NVL: variants seen among roughly 807,000 people sequenced by gnomAD.
NVL encodes nuclear valosin-containing protein-like.
NVL carries 84 observed loss-of-function variants against 110.2 expected under a neutral mutation model. That is an observed-to-expected ratio of 0.76 (90% CI 0.64 to 0.91). NVL has a LOEUF of 0.91. Ranked by LOEUF, NVL falls within the 40% of genes least tolerant of loss-of-function variation. NVL has a pLI of 0.00. For synonymous variants in NVL, 354 were observed against 361.1 expected, an observed-to-expected ratio of 0.98 and a Z score of 0.22; for missense variants, 882 against 1,035.9, an observed-to-expected ratio of 0.85 and a Z score of 2.04.
At chr1:224,308,387 T>A in intron 5 of NVL, 124 bp from the exon 6 acceptor site, 1 of 848,848 alleles carries the variant, frequency 1.2e-6, no homozygotes, top group Non-Finnish European at 1.8e-6. Flanking sequence ...AGAACATTTA[T>A]AATCAGAATA....
intron 19 of NVL, among the ~76,000 whole-genome samples, chr1:224,246,033 C>CT (rs36056911): frequency 0.042 from 6,124 of 145,874 alleles, 152 homozygotes; most frequent in Middle Eastern, 0.06. Context: ...TGCCAGATGA[C>CT]TTTTTTTTTT....
At chr1:224,328,070 C>T (rs1292142359) in intron 1 of NVL, among the ~76,000 whole-genome samples, 1 of 151,958 alleles carries the variant, frequency 6.6e-6, no homozygotes, top group Admixed American at 6.6e-5. Flanking sequence ...TCTGATTTCC[C>T]CCCCCTTTTT....
intron 8 of NVL, 36 bp downstream of exon 8, chr1:224,304,700 T>C (rs375616678): frequency 3.7e-5 from 55 of 1,491,096 alleles, no homozygotes; most frequent in Non-Finnish European, 4.7e-5. Flanking sequence ...ATTAGTAATA[T>C]ATCCATTTGA....
intron 17 of NVL, among the ~76,000 whole-genome samples, chr1:224,269,112 G>C (rs1257703272): frequency 6.8e-6 from 1 of 147,926 alleles, no homozygotes; most frequent in African/African-American, 2.5e-5. Context: ...TTTTGAGACA[G>C]GGTTTTACTC....
chr1:224,292,986 C>T (rs1035599969), intron 12 of NVL, among the ~76,000 whole-genome samples: 1 of 151,964 alleles, frequency 6.6e-6, no homozygotes, highest in Non-Finnish European at 1.5e-5. Flanking sequence ...AACTCCTAAC[C>T]TCAAGTGATG....
At chr1:224,236,689 T>C in intron 19 of NVL, 107 bp from the exon 20 acceptor site, 1 of 800,382 alleles carries the variant, frequency 1.2e-6, no homozygotes. Flanking sequence ...GGTGGGCAGA[T>C]CACCTGAGGT....
chr1:224,231,435 C>A, intron 21 of NVL, 139 bp from the exon 22 acceptor site: 1 of 643,314 alleles, frequency 1.6e-6, no homozygotes, highest in Admixed American at 2.7e-5. Context: ...TGTTCTTTTT[C>A]AGAACAGTAT....
intron 1 of NVL, among the ~76,000 whole-genome samples, chr1:224,326,937 T>A (rs1360400440): frequency 1.3e-5 from 2 of 151,898 alleles, no homozygotes; most frequent in African/African-American, 2.4e-5. Flanking sequence ...AGCCCAGGAG[T>A]TTGAGACCAC....
At chr1:224,274,935 G>C (rs535742445) in intron 17 of NVL, among the ~76,000 whole-genome samples, 1 of 152,070 alleles carries the variant, frequency 6.6e-6, no homozygotes, top group East Asian at 1.9e-4. Context: ...AAAGGTTTTG[G>C]GTCTTAAAAG....
At chr1:224,317,566 G>A (rs1156506409) in intron 4 of NVL, 128 bp downstream of exon 4, 1 of 624,360 alleles carries the variant, frequency 1.6e-6, no homozygotes, top group East Asian at 2.7e-5. Context: ...ATTCAATATG[G>A]CTGAAGAGGT....
intron 6 of NVL, chr1:224,305,419 T>C (rs994810133): frequency 4.4e-5 from 15 of 342,312 alleles, no homozygotes; most frequent in Admixed American, 3.6e-4. Flanking sequence ...ATTGGAATGA[T>C]ACAAAGATTA....
At chr1:224,320,634 G>A (rs150648275) in intron 2 of NVL, among the ~76,000 whole-genome samples, 3 of 150,606 alleles carry the variant, frequency 2.0e-5, no homozygotes, top group African/African-American at 7.4e-5. Context: ...GTGACTGAGT[G>A]AGACTCCATC....
rs1668956755 is a variant in NVL, at chr1:224,306,712, G to A, written c.615+1279C>T. On this transcript the variant is annotated intron_variant, in intron 6 of 22. Transcript: ENST00000281701. ...CCAGGTGTGGTGGTGGGCACCTGTA[G>A]TCCCCAGCTACTTGGAAGACTGAGG... is the stretch of plus-strand genomic sequence containing the variant. Among the ~76,000 whole-genome samples, 2 of 152,108 alleles carry A rather than the reference G, an allele frequency of 1.3e-5. 1 individual carries two copies. The highest frequency in any genetic ancestry group is 1.3e-4 in the Admixed American group (2 of 15,270).
At chr1:224,252,331 A>T (rs1027609094) in intron 18 of NVL, among the ~76,000 whole-genome samples, 1 of 152,098 alleles carries the variant, frequency 6.6e-6, no homozygotes, top group Non-Finnish European at 1.5e-5. Context: ...CCTGAAGCTC[A>T]TTTTGACCAT....
At chr1:224,322,486 A>C (rs532941944) in intron 2 of NVL, among the ~76,000 whole-genome samples, 1 of 152,130 alleles carries the variant, frequency 6.6e-6, no homozygotes, top group Non-Finnish European at 1.5e-5. Context: ...TTTCTGTCTT[A>C]GTTTCTCTTC....
intron 6 of NVL, among the ~76,000 whole-genome samples, chr1:224,307,143 A>G (rs1669004482): frequency 6.6e-6 from 1 of 152,204 alleles, no homozygotes; most frequent in South Asian, 2.1e-4. Context: ...GATGTTTTAC[A>G]TTCTATTTTT....
At chr1:224,245,823 C>T (rs768027364) in intron 19 of NVL, among the ~76,000 whole-genome samples, 2 of 151,534 alleles carry the variant, frequency 1.3e-5, no homozygotes, top group Non-Finnish European at 2.9e-5. Context: ...CGTGGTAGCA[C>T]GTGCCTGTAA....
At chr1:224,312,929 C>T (rs1669675650) in intron 4 of NVL, 1 of 141,662 alleles carries the variant, frequency 7.1e-6, no homozygotes, top group Non-Finnish European at 1.5e-5. Context: ...CAATGAAATG[C>T]TGTTATAATT....
At chr1:224,268,987 C>A (rs954471817) in intron 17 of NVL, among the ~76,000 whole-genome samples, 1 of 151,776 alleles carries the variant, frequency 6.6e-6, no homozygotes, top group Admixed American at 6.6e-5. Flanking sequence ...CCCCAAATTT[C>A]CCAGTATATC....
Sources: gnomAD v4.1 joint callset for allele counts (sites outside exome capture counted in the v4.1 genomes callset) on GRCh38, gnomAD v4.1.1 for gene constraint, MANE v1.5 for transcripts, NCBI Gene and HGNC (gene_info 2026-07-23, HGNC 2026-07-21) for gene names.